UPF3A: variants seen among roughly 807,000 people sequenced by gnomAD.
UPF3A encodes the protein UPF3A regulator of nonsense mediated mRNA decay.
UPF3A carries 42 observed loss-of-function variants against 53.5 expected under a neutral mutation model. The observed-to-expected ratio is 0.78, with a 90% confidence interval of 0.61 to 1.01. UPF3A has a LOEUF of 1.01. UPF3A is among the 50% of genes least tolerant of loss of function. The pLI is 0.00. For synonymous variants in UPF3A, 237 were observed against 225.3 expected (o/e 1.05, Z -0.47); for missense variants, 575 against 598.0 (o/e 0.96, Z 0.40).
intron 7 of UPF3A, among the ~76,000 whole-genome samples, chr13:114,292,201 T>C (rs1355691485): frequency 2.0e-5 from 3 of 151,036 alleles, no homozygotes; most frequent in Admixed American, 6.6e-5. Context: ...CGTGCAGGTG[T>C]GTTACGTGTT....
chr13:114,281,783 G>T lies in UPF3A; in HGVS notation c.144G>T (p.Ser48=). Residue 48 remains serine, a synonymous_variant, in exon 1 of 10, where the codon TCG becomes TCT. Coordinates refer to ENST00000375299, the MANE Select transcript of UPF3A (RefSeq NM_023011.4). ...AGGAGGCTGAGACGCCGCCAACTTCGTCCTCCGGTTGCGGGGGCGGTGCGG... is the reference window on the plus strand; with the variant it reads ...AGGAGGCTGAGACGCCGCCAACTTCTTCCTCCGGTTGCGGGGGCGGTGCGG... ...QQQEAETPPT[S]SSGCGGGAGK... is the part of the protein sequence containing the mutation. 1 of 1,556,662 alleles carries T rather than the reference G, an allele frequency of 6.4e-7. No homozygotes were observed.
intron 5 of UPF3A, 47 bp downstream of exon 5, chr13:114,286,676 C>T (rs943969669): frequency 1.0e-5 from 15 of 1,461,044 alleles, no homozygotes; most frequent in African/African-American, 4.3e-5. Flanking sequence ...GAGATTTACT[C>T]GTAGAGGATA....
In UPF3A at chr13:114,292,878, C is replaced by T. The variant is rs548230414; in HGVS notation, c.846+1086C>T. Among the ~76,000 whole-genome samples the T allele has an allele frequency of 5.3e-5, 8 of 151,880 alleles. No homozygotes were observed. In the East Asian group the frequency reaches 1.2e-3, roughly 22 times the overall value. ...TCACGAGGTCAGGAGTTCGAGATCA[C>T]CCTGACTAACATGGTGAAACCCTGT... On this transcript the variant is annotated intron_variant, in intron 7 of 9. Transcript: ENST00000375299.
In UPF3A at chr13:114,281,859, G is replaced by A. The variant is rs758146431; in HGVS notation, c.207+13G>A. ...GGCCCTGAGCAAGGTGGGGACGGGG[G>A]CGGGGCGCGCAAACCTCGCGAGGAG... On this transcript the variant is annotated intron_variant, in intron 1 of 9. Transcript: ENST00000375299. The A allele has an allele frequency of 5.7e-5, 86 of 1,517,750 alleles. 2 individuals carry two copies. The South Asian group carries it at 7.4e-4, about 13-fold the overall frequency. The allele number at this position is 1,517,750 out of a possible 1,614,324, so 94.0% of individuals were successfully genotyped here.
intron 8 of UPF3A, 98 bp downstream of exon 8, chr13:114,299,098 T>A: frequency 3.2e-6 from 4 of 1,267,276 alleles, no homozygotes; most frequent in Non-Finnish European, 4.2e-6. Context: ...GTTCTTGGAA[T>A]CCAAGACTTT....
At chr13:114,299,758 C>T (rs1375031163) in intron 8 of UPF3A, among the ~76,000 whole-genome samples, 1 of 152,234 alleles carries the variant, frequency 6.6e-6, no homozygotes, top group African/African-American at 2.4e-5. Context: ...GGCTTACCTT[C>T]CCCTCCGGGA....
Position 114,291,717 on chromosome 13 carries a change from AAG to A in UPF3A, c.775_776del (p.Glu259ArgfsTer11), listed in dbSNP as rs2085285828. ...RLREEEKRRR[R>X]EEERCKKKET... ...TGCGGGAAGAGGAAAAAAGAAGAAG[AAG>A]AGAAGAAGAAAGATGCAAAAAAAAA... On this transcript the variant is annotated frameshift_variant, in exon 7 of 10. Coordinates refer to ENST00000375299, the MANE Select transcript of UPF3A (RefSeq NM_023011.4). LOFTEE classifies it high-confidence loss of function. 6.2e-7 allele frequency: 1 copy of A among 1,601,406 alleles called. No homozygotes were observed. Among genetic ancestry groups the A allele is most frequent in the African/African-American group, 1.3e-5 (1 of 74,430 alleles).
rs141041584 is a variant in UPF3A, at chr13:114,286,568, G to A, written c.570G>A (p.Lys190=). 4.9e-4 allele frequency: 797 copies of A among 1,614,076 alleles called. No individual in the cohort carries two copies. The highest frequency in any genetic ancestry group is 6.4e-4 in the Non-Finnish European group (751 of 1,179,966). ...FLETYCVEEE[K]TSANPETLLG... Reference sequence around the variant, plus strand: ...AAACCTACTGTGTGGAGGAAGAGAAGACCAGTGCCAACCCTGAGACTCTGC... The same window carrying A: ...AAACCTACTGTGTGGAGGAAGAGAAAACCAGTGCCAACCCTGAGACTCTGC... Residue 190 remains lysine, a synonymous_variant, in exon 5 of 10, where the codon AAG becomes AAA. Transcript: ENST00000375299.
intron 3 of UPF3A, among the ~76,000 whole-genome samples, chr13:114,284,477 AGTTGAGGTCAGGG>A (rs148045778): frequency 0.021 from 3,235 of 151,300 alleles, 60 homozygotes; most frequent in South Asian, 0.058. Flanking sequence ...AATGTAGATC[AGTTGAGGTCAGGG>A]GTTCGAGACC....
chr13:114,282,554 G>GC (rs1387391030), intron 2 of UPF3A: 1 of 985,348 alleles, frequency 1.0e-6, no homozygotes, highest in African/African-American at 1.7e-5. Context: ...GTCTCTCGGC[G>GC]CCACGGGTTC....
At chr13:114,285,287 TGG>T (rs2139157933) in intron 3 of UPF3A, 1 of 152,378 alleles carries the variant, frequency 6.6e-6, no homozygotes, top group Non-Finnish European at 1.5e-5. Context: ...TTTATTCCCT[TGG>T]TGGATGTGTC....
At chr13:114,304,751 A>G (rs2139388269) in intron 9 of UPF3A, 38 bp from the exon 10 acceptor site, 8 of 1,607,566 alleles carry the variant, frequency 5.0e-6, no homozygotes, top group Non-Finnish European at 5.9e-6. Flanking sequence ...CTGTGTTGCT[A>G]CCTCTTGGAA....
rs986020864 is a variant in UPF3A, at chr13:114,283,792, C to G, written c.421+849C>G. On this transcript the variant is annotated intron_variant, in intron 3 of 9. Coordinates refer to ENST00000375299, the MANE Select transcript of UPF3A (RefSeq NM_023011.4). ...TCCTTCTCTTCTCCTGTCAGGCTGT[C>G]TGCTGTTGTGTTCCTGGCTGTCAAG... The G allele has an allele frequency of 1.0e-5, 10 of 985,518 alleles. No homozygotes were observed. In the African/African-American group the frequency reaches 1.7e-4, roughly 17 times the overall value. 61.0% of individuals were successfully genotyped at this position (985,518 alleles called of 1,614,324 possible). A position where few individuals can be genotyped will look rare whatever the true frequency, so the allele number is the denominator to read the frequency against.
intron 5 of UPF3A, among the ~76,000 whole-genome samples, chr13:114,288,231 C>T (rs988323880): frequency 6.6e-5 from 10 of 152,340 alleles, no homozygotes; most frequent in East Asian, 5.8e-4. Context: ...TGCCTACCAT[C>T]GGGATGACAG....
At chr13:114,286,457 A>G (rs999693701) in intron 4 of UPF3A, 57 bp downstream of exon 4, 44 of 1,611,870 alleles carry the variant, frequency 2.7e-5, no homozygotes, top group Non-Finnish European at 3.6e-5. Context: ...CACTGAGCAA[A>G]TGTAATTCTC....
intron 7 of UPF3A, among the ~76,000 whole-genome samples, chr13:114,295,964 T>C (rs919724822): frequency 3.3e-5 from 5 of 152,140 alleles, no homozygotes; most frequent in Admixed American, 1.3e-4. Flanking sequence ...AAGGCAGGAC[T>C]AGAGGGTTGG....
At chr13:114,301,000 G>C in intron 8 of UPF3A, among the ~76,000 whole-genome samples, 1 of 144,288 alleles carries the variant, frequency 6.9e-6, no homozygotes, top group African/African-American at 2.9e-5. Flanking sequence ...CAGTAGAGAG[G>C]GGGCTTCACC....
intron 3 of UPF3A, among the ~76,000 whole-genome samples, chr13:114,284,763 T>G (rs2084503746): frequency 6.6e-6 from 1 of 152,150 alleles, no homozygotes; most frequent in Admixed American, 6.5e-5. Flanking sequence ...CCATTTTAGG[T>G]TCCCACCTGT....
intron 2 of UPF3A, 158 bp from the exon 3 acceptor site, chr13:114,282,679 T>C: frequency 1.0e-6 from 1 of 985,356 alleles, no homozygotes; most frequent in Non-Finnish European, 1.2e-6. Flanking sequence ...GCGTTTGTTT[T>C]TGCTAAAGAA....
Sources: gnomAD v4.1 joint callset for allele counts (sites outside exome capture counted in the v4.1 genomes callset) on GRCh38, gnomAD v4.1.1 for gene constraint, MANE v1.5 for transcripts, NCBI Gene and HGNC (gene_info 2026-07-23, HGNC 2026-07-21) for gene names.